MAPRE1: variants seen among roughly 807,000 people sequenced by gnomAD.
MAPRE1 encodes microtubule-associated protein RP/EB family member 1.
A neutral mutation model predicts 32.1 loss-of-function variants in MAPRE1; 5 were observed. The ratio of observed to expected loss-of-function variants is 0.16; its 90% CI spans 0.08 to 0.33. The LOEUF is 0.33. MAPRE1 is among the 10% of genes least tolerant of loss of function. The probability of loss-of-function intolerance (pLI) is 1.00; values close to 1 mark genes in which losing one functional copy is unlikely to be tolerated. For synonymous variants in MAPRE1, 122 were observed against 118.9 expected (o/e 1.03, Z -0.17); for missense variants, 209 against 327.2 (o/e 0.64, Z 2.79).
At chr20:32,843,958 A>G (rs1184832153) in intron 5 of MAPRE1, among the ~76,000 whole-genome samples, 1 of 151,582 alleles carries the variant, frequency 6.6e-6, no homozygotes, top group African/African-American at 2.4e-5. Flanking sequence ...GGTTCAAATG[A>G]TACTCCTGCC....
rs1370208235 is a variant in MAPRE1, at chr20:32,849,481, C to T, written c.*753C>T. 2.6e-5 allele frequency: 4 copies of T among 152,186 alleles called. No homozygotes were observed. The highest frequency in any genetic ancestry group is 7.2e-5 in the African/African-American group (3 of 41,422). The allele number at this position is 152,186 out of a possible 1,614,324, so 9.4% of individuals were successfully genotyped here. A position where few individuals can be genotyped will look rare whatever the true frequency, so the allele number is the denominator to read the frequency against. On this transcript the variant is annotated 3_prime_UTR_variant, in exon 7 of 7. Transcript: ENST00000375571. Reference sequence around the variant, plus strand: ...ATTTCTCTATTTTTCCAGTTATCCCCGAAATTTCTATGTATTATATTTTTT... The same window carrying T: ...ATTTCTCTATTTTTCCAGTTATCCCTGAAATTTCTATGTATTATATTTTTT...
At chr20:32,837,795 A>G (rs1260934418) in intron 4 of MAPRE1, among the ~76,000 whole-genome samples, 1 of 152,224 alleles carries the variant, frequency 6.6e-6, no homozygotes, top group Non-Finnish European at 1.5e-5. Flanking sequence ...CTGAAAAGAA[A>G]CCCTGTGCTG....
At chr20:32,829,683 A>G (rs534466905) in intron 2 of MAPRE1, among the ~76,000 whole-genome samples, 1 of 152,350 alleles carries the variant, frequency 6.6e-6, no homozygotes, top group South Asian at 2.1e-4. Context: ...TTGAGAGGGC[A>G]AAGTGCTGAG....
intron 2 of MAPRE1, among the ~76,000 whole-genome samples, chr20:32,831,112 C>T (rs1983008895): frequency 6.6e-6 from 1 of 151,970 alleles, no homozygotes; most frequent in African/African-American, 2.4e-5. Context: ...AGATAGGAAG[C>T]TCATTTTCTT....
At chr20:32,834,627 T>G (rs931503502) in intron 3 of MAPRE1, among the ~76,000 whole-genome samples, 8 of 151,280 alleles carry the variant, frequency 5.3e-5, no homozygotes, top group African/African-American at 7.3e-5. Flanking sequence ...GAAATCAGGG[T>G]TTTTTTTTAA....
chr20:32,845,049 A>G (rs932971546), intron 5 of MAPRE1, among the ~76,000 whole-genome samples: 1 of 151,626 alleles, frequency 6.6e-6, no homozygotes, highest in African/African-American at 2.4e-5. Flanking sequence ...GAATGAATGA[A>G]TGATTGAATG....
chr20:32,821,030 T>C lies in MAPRE1; in HGVS notation c.-4+1002T>C, dbSNP rs374627553. Among the ~76,000 whole-genome samples, 6 of 151,952 alleles carry C rather than the reference T, an allele frequency of 3.9e-5. No individual in the cohort carries two copies. In the East Asian group the frequency reaches 5.8e-4, roughly 15 times the overall value. On this transcript the variant is annotated intron_variant, in intron 1 of 6. Transcript: ENST00000375571. ...AAGAGAGATTCTCTTCTTCCTTTTTTTTTTTTTTTTGAGACAGAGTTTTAT... is the reference window on the plus strand; with the variant it reads ...AAGAGAGATTCTCTTCTTCCTTTTTCTTTTTTTTTTGAGACAGAGTTTTAT...
chr20:32,834,663 A>T (rs1020191103), intron 3 of MAPRE1, among the ~76,000 whole-genome samples: 1 of 152,114 alleles, frequency 6.6e-6, no homozygotes, highest in African/African-American at 2.4e-5. Flanking sequence ...TACAATATAT[A>T]AAATAGGCAT....
intron 5 of MAPRE1, among the ~76,000 whole-genome samples, chr20:32,843,703 A>G (rs1983424896): frequency 6.6e-6 from 1 of 152,328 alleles, no homozygotes; most frequent in Non-Finnish European, 1.5e-5. Context: ...GGCACTGGCC[A>G]CGTTTAAGTG....
intron 1 of MAPRE1, among the ~76,000 whole-genome samples, chr20:32,821,444 C>T (rs1482836647): frequency 1.3e-5 from 2 of 152,232 alleles, no homozygotes; most frequent in African/African-American, 2.4e-5. Context: ...CTCTTTATTA[C>T]ACTTTCTCCC....
Position 32,849,629 on chromosome 20 carries a change from G to A in MAPRE1, c.*901G>A, listed in dbSNP as rs955679049. 2 of 152,578 alleles carry A rather than the reference G, an allele frequency of 1.3e-5. No individual in the cohort carries two copies. The highest frequency in any genetic ancestry group is 4.8e-5 in the African/African-American group (2 of 41,422). 9.5% of individuals were successfully genotyped at this position (152,578 alleles called of 1,614,324 possible). On this transcript the variant is annotated 3_prime_UTR_variant, in exon 7 of 7. Transcript: ENST00000375571. ...TGTCTTTTAGGTTTACATTTACCAC[G>A]TTTCTCTTCTCTGCTCCCCTTGCCC... is the stretch of plus-strand genomic sequence containing the variant.
chr20:32,847,215 C>T (rs1229599284), intron 6 of MAPRE1, among the ~76,000 whole-genome samples: 1 of 152,202 alleles, frequency 6.6e-6, no homozygotes, highest in Non-Finnish European at 1.5e-5. Flanking sequence ...ATGCCTTTCT[C>T]CTCCCTCCTA....
chr20:32,850,373 A>C lies in MAPRE1; in HGVS notation c.*1645A>C, dbSNP rs1376224076. The C allele has an allele frequency of 6.6e-6, 1 of 152,388 alleles. No homozygotes were observed. The highest frequency in any genetic ancestry group is 1.5e-5 in the Non-Finnish European group (1 of 68,020). The allele number at this position is 152,388 out of a possible 1,614,324, so 9.4% of individuals were successfully genotyped here. On this transcript the variant is annotated 3_prime_UTR_variant, in exon 7 of 7. Transcript: ENST00000375571. ...GACAGGGTTTTTTTCTACTTTAAAC[A>C]GTTTCTAAATAAAATTCTGTATTTC...
Position 32,846,606 on chromosome 20 carries a change from T to C in MAPRE1, c.598-12T>C, listed in dbSNP as rs1049328712. Reference sequence around the variant, plus strand: ...ATGCCAAGCATCTCACCCTTTTTAATGTCTTGTGCAGGTCAACGTATTGAA... The same window carrying C: ...ATGCCAAGCATCTCACCCTTTTTAACGTCTTGTGCAGGTCAACGTATTGAA... On this transcript the variant is annotated splice_polypyrimidine_tract_variant and intron_variant, in intron 5 of 6. Transcript: ENST00000375571. 1 of 1,613,274 alleles carries C rather than the reference T, an allele frequency of 6.2e-7. No homozygotes were observed. The highest frequency in any genetic ancestry group is 8.5e-7 in the Non-Finnish European group (1 of 1,179,322).
rs760704547 is a variant in MAPRE1 at position 32,836,843 on chromosome 20, T to TA, written c.475+9dup. 1.9e-5 allele frequency: 30 copies of TA among 1,587,078 alleles called. No homozygotes were observed. Among genetic ancestry groups the TA allele is most frequent in the South Asian group, 2.3e-5 (2 of 85,926 alleles). The stretch of plus-strand genomic sequence containing the variant: ...AACCTCTCACTTCTAGCAGTGCAGG[T>TA]AAAAAAACAACCCCAAAACGTTTCC... On this transcript the variant is annotated splice_region_variant and intron_variant, in intron 4 of 6. Coordinates refer to ENST00000375571, the MANE Select transcript of MAPRE1 (RefSeq NM_012325.3).
chr20:32,843,280 A>G (rs1983412822), intron 5 of MAPRE1: 1 of 152,128 alleles, frequency 6.6e-6, no homozygotes, highest in Admixed American at 6.5e-5. Flanking sequence ...CCCTTTGTAA[A>G]TATGGAAAAT....
chr20:32,826,214 C>CTTTTT (rs3092521), intron 2 of MAPRE1, among the ~76,000 whole-genome samples, 166 bp downstream of exon 2: 2 of 108,916 alleles, frequency 1.8e-5, no homozygotes, highest in Non-Finnish European at 3.5e-5. Context: ...TCCAAAGGAA[C>CTTTTT]TTTTTTTTTT....
At chr20:32,843,477 G>A (rs2146138572) in intron 5 of MAPRE1, 1 of 152,312 alleles carries the variant, frequency 6.6e-6, no homozygotes, top group African/African-American at 2.4e-5. Flanking sequence ...AGTCAGAAGT[G>A]TGAGCTACCT....
At chr20:32,835,518 CAT>C (rs1983173750) in intron 3 of MAPRE1, among the ~76,000 whole-genome samples, 1 of 152,060 alleles carries the variant, frequency 6.6e-6, no homozygotes, top group South Asian at 2.1e-4. Flanking sequence ...ACTTGGAAAA[CAT>C]GTCATTTTGT....
Sources: gnomAD v4.1 joint callset for allele counts (sites outside exome capture counted in the v4.1 genomes callset) on GRCh38, gnomAD v4.1.1 for gene constraint, MANE v1.5 for transcripts, NCBI Gene and HGNC (gene_info 2026-07-23, HGNC 2026-07-21) for gene names.